Variants in FUT8 observed in about 807,000 individuals in gnomAD.
The protein encoded by FUT8 is fucosyltransferase 8, also known as alpha-(1,6)-fucosyltransferase.
A neutral mutation model predicts 71.3 loss-of-function variants in FUT8; 29 were observed. The observed-to-expected ratio is 0.41, with a 90% CI of 0.30 to 0.55. The LOEUF is 0.55. Ranked by LOEUF, FUT8 falls within the 20% of genes least tolerant of loss-of-function variation. FUT8 has a pLI of 0.34. For missense variants in FUT8, 544 were observed against 702.1 expected (o/e 0.77, Z 2.55); for synonymous variants, 254 against 239.3 (o/e 1.06, Z -0.57).
chr14:65,475,327 C>T (rs186682590), intron 2 of FUT8, among the ~76,000 whole-genome samples: 4 of 152,122 alleles, frequency 2.6e-5, no homozygotes, highest in East Asian at 3.9e-4. Context: ...ATGTCATAGG[C>T]GTAGGAGGTA....
At chr14:65,423,827 A>G (rs2065339839) in intron 1 of FUT8, among the ~76,000 whole-genome samples, 1 of 152,254 alleles carries the variant, frequency 6.6e-6, no homozygotes, top group Non-Finnish European at 1.5e-5. Flanking sequence ...CCCCTATAAA[A>G]GCTACATTTT....
chr14:65,695,889 C>CTT, intron 7 of FUT8, among the ~76,000 whole-genome samples: 1 of 151,730 alleles, frequency 6.6e-6, no homozygotes, highest in East Asian at 1.9e-4. Context: ...TTTATTATGT[C>CTT]TTAGCATATC....
In FUT8 at chr14:65,513,848, T is replaced by A. The variant is rs1882525640; in HGVS notation, c.-227-47489T>A. ...GTATTTAAGCCTTCTAGGGTTTGTTTTACATGCATATCCATCATGTAATAT... is the reference window on the plus strand; with the variant it reads ...GTATTTAAGCCTTCTAGGGTTTGTTATACATGCATATCCATCATGTAATAT... On this transcript the variant is annotated intron_variant, in intron 2 of 10. Coordinates refer to ENST00000673929, the MANE Select transcript of FUT8 (RefSeq NM_001371533.1). Among the ~76,000 whole-genome samples, 2 of 152,206 alleles carry A rather than the reference T, an allele frequency of 1.3e-5. 1 individual carries two copies. Among genetic ancestry groups the A allele is most frequent in the South Asian group, 4.1e-4 (2 of 4,830 alleles).
chr14:65,373,685 C>T, the FUT8 span, among the ~76,000 whole-genome samples: 3 of 152,260 alleles, frequency 2.0e-5, no homozygotes, highest in Non-Finnish European at 4.4e-5. Flanking sequence ...GGTCAGGGAA[C>T]TCTCCCATTT....
chr14:65,596,572 G>C (rs1042438183), intron 3 of FUT8, among the ~76,000 whole-genome samples: 1 of 152,180 alleles, frequency 6.6e-6, no homozygotes, highest in African/African-American at 2.4e-5. Flanking sequence ...TTTTGAAGGA[G>C]ATGATGGTAT....
chr14:65,534,558 T>C (rs1884167372), intron 2 of FUT8, among the ~76,000 whole-genome samples: 1 of 150,366 alleles, frequency 6.7e-6, no homozygotes, highest in African/African-American at 2.4e-5. Context: ...TCTTTTTTTT[T>C]TTTTTTTGGT....
In FUT8 at chr14:65,722,039, T is replaced by C. The variant is rs750166622; in HGVS notation, c.1082+18T>C. Reference sequence around the variant, plus strand: ...GTTATTGGGTAAGAATCTGATTTTTTCCCTCAAACTGTGATATGTAGTAGT... The same window carrying C: ...GTTATTGGGTAAGAATCTGATTTTTCCCCTCAAACTGTGATATGTAGTAGT... On this transcript the variant is annotated intron_variant, in intron 8 of 10. Coordinates refer to ENST00000673929, the MANE Select transcript of FUT8 (RefSeq NM_001371533.1). 1.5e-5 allele frequency: 24 copies of C among 1,612,328 alleles called. No homozygotes were observed. Among genetic ancestry groups the C allele is most frequent in the Non-Finnish European group, 1.9e-5 (23 of 1,179,764 alleles).
chr14:65,499,971 A>G (rs1438051883), intron 2 of FUT8, among the ~76,000 whole-genome samples: 1 of 152,144 alleles, frequency 6.6e-6, no homozygotes, highest in Non-Finnish European at 1.5e-5. Context: ...CAGCTTAGTT[A>G]TTTTTAGGCT....
intron 3 of FUT8, among the ~76,000 whole-genome samples, chr14:65,564,987 A>G (rs896261331): frequency 9.2e-5 from 14 of 152,036 alleles, no homozygotes; most frequent in East Asian, 3.8e-4. Context: ...TTATAGAGAA[A>G]GAAGTTATTT....
intron 2 of FUT8, among the ~76,000 whole-genome samples, chr14:65,522,649 T>C (rs1328462275): frequency 1.3e-5 from 2 of 152,234 alleles, no homozygotes; most frequent in East Asian, 1.9e-4. Context: ...TGTATACATG[T>C]GCCATGTTGG....
At chr14:65,572,473 G>A (rs1886533754) in intron 3 of FUT8, among the ~76,000 whole-genome samples, 2 of 152,194 alleles carry the variant, frequency 1.3e-5, no homozygotes, top group South Asian at 4.1e-4. Flanking sequence ...TGAATGTGGA[G>A]TTCATCTTGC....
intron 2 of FUT8, among the ~76,000 whole-genome samples, chr14:65,556,236 C>A (rs1390463910): frequency 2.0e-5 from 3 of 152,162 alleles, no homozygotes; most frequent in African/African-American, 7.2e-5. Flanking sequence ...TCTGGCTAAG[C>A]TCCATCTCCT....
chr14:65,666,759 G>C (rs939345600), intron 6 of FUT8, among the ~76,000 whole-genome samples: 1 of 152,026 alleles, frequency 6.6e-6, no homozygotes, highest in East Asian at 1.9e-4. Flanking sequence ...GATGAACATA[G>C]ATGCAAAAAT....
At chr14:65,555,877 G>A (rs577056988) in intron 2 of FUT8, among the ~76,000 whole-genome samples, 1 of 152,266 alleles carries the variant, frequency 6.6e-6, no homozygotes, top group South Asian at 2.1e-4. Flanking sequence ...TCTGGTATTA[G>A]TATAAAACCA....
chr14:65,360,091 A>T, the FUT8 span, among the ~76,000 whole-genome samples: 1 of 152,128 alleles, frequency 6.6e-6, no homozygotes, highest in Non-Finnish European at 1.5e-5. Flanking sequence ...TCAGCCTCCC[A>T]AAGTGCTGGG....
chr14:65,475,636 G>A (rs983607292), intron 2 of FUT8, among the ~76,000 whole-genome samples: 3 of 151,990 alleles, frequency 2.0e-5, no homozygotes, highest in African/African-American at 7.3e-5. Flanking sequence ...TAGGTACTTA[G>A]GAGGCTGAGG....
At chr14:65,733,484 G>A in intron 10 of FUT8, 103 bp downstream of exon 10, 1 of 812,440 alleles carries the variant, frequency 1.2e-6, no homozygotes, top group Non-Finnish European at 1.8e-6. Flanking sequence ...TCATTATTGT[G>A]ACTCAGGTGC....
At chr14:65,473,488 G>C (rs1235350733) in intron 2 of FUT8, among the ~76,000 whole-genome samples, 1 of 152,034 alleles carries the variant, frequency 6.6e-6, no homozygotes, top group Non-Finnish European at 1.5e-5. Flanking sequence ...GACTTACATT[G>C]CCACGGCAGT....
At chr14:65,448,095 A>G (rs1455466135) in intron 1 of FUT8, among the ~76,000 whole-genome samples, 1 of 152,222 alleles carries the variant, frequency 6.6e-6, no homozygotes, top group Non-Finnish European at 1.5e-5. Context: ...TGTTGATTCT[A>G]TCTCTTTATC....
Sources: gnomAD v4.1 joint callset for allele counts (sites outside exome capture counted in the v4.1 genomes callset) on GRCh38, gnomAD v4.1.1 for gene constraint, MANE v1.5 for transcripts, NCBI Gene and HGNC (gene_info 2026-07-23, HGNC 2026-07-21) for gene names.